The following TNKS variants were observed in gnomAD, a reference collection of about 807,000 sequenced individuals.
TNKS encodes the protein poly [ADP-ribose] polymerase tankyrase-1.
In TNKS, 72 loss-of-function variants were observed where a neutral mutation model predicts 135.8. That is an observed-to-expected ratio of 0.53 (90% CI 0.44 to 0.64). The LOEUF is 0.64. TNKS is among the 30% of genes least tolerant of loss of function. The pLI is 0.00. For missense variants in TNKS, 1,769 were observed against 1,674.0 expected (o/e 1.06, Z -0.99); for synonymous variants, 849 against 649.3 (o/e 1.31, Z -4.68).
In TNKS at chr8:9,751,815, C is replaced by T. The variant is rs1489774315; in HGVS notation, c.3039C>T (p.Gly1013=). 31 of 1,613,962 alleles carry T rather than the reference C, an allele frequency of 1.9e-5. No homozygotes were observed. The highest frequency in any genetic ancestry group is 1.6e-4 in the Middle Eastern group (1 of 6,084). ...GAGGAGCCTCCAATGCAGGGGATGGCGCCGCGGGAACAGAAAGGAAGGAAG... is the reference window on the plus strand; with the variant it reads ...GAGGAGCCTCCAATGCAGGGGATGGTGCCGCGGGAACAGAAAGGAAGGAAG... The part of the protein sequence containing the change: ...AVGGASNAGD[G]AAGTERKEGE... Residue 1013 remains glycine (G), a synonymous_variant, in exon 19 of 27, where the codon GGC becomes GGT. Coordinates refer to ENST00000310430, the MANE Select transcript of TNKS (RefSeq NM_003747.3).
intron 3 of TNKS, among the ~76,000 whole-genome samples, chr8:9,656,626 T>TA (rs1554461132): frequency 5.5e-5 from 8 of 144,606 alleles, no homozygotes; most frequent in South Asian, 4.4e-4. Context: ...TTTTTTTTTT[T>TA]AATTTATTTT....
At chr8:9,591,009 G>A (rs917650180) in intron 2 of TNKS, among the ~76,000 whole-genome samples, 1 of 152,158 alleles carries the variant, frequency 6.6e-6, no homozygotes, top group Non-Finnish European at 1.5e-5. Context: ...ATTTAACTCT[G>A]TTGTCATCTA....
intron 3 of TNKS, among the ~76,000 whole-genome samples, chr8:9,622,710 T>G (rs1477710319): frequency 1.3e-5 from 2 of 152,220 alleles, no homozygotes; most frequent in African/African-American, 4.8e-5. Flanking sequence ...ATGTTCTTTT[T>G]TAGATTAAAG....
At chr8:9,661,713 C>G (rs988854478) in intron 3 of TNKS, among the ~76,000 whole-genome samples, 2 of 152,144 alleles carry the variant, frequency 1.3e-5, no homozygotes, top group Admixed American at 1.3e-4. Context: ...GCAATGGCAA[C>G]AAAAGTCAAA....
At chr8:9,602,006 A>G (rs2128759352) in intron 2 of TNKS, among the ~76,000 whole-genome samples, 1 of 152,236 alleles carries the variant, frequency 6.6e-6, no homozygotes, top group Admixed American at 6.5e-5. Flanking sequence ...AGACGTTCTC[A>G]AGCAGGGACA....
chr8:9,617,043 C>T (rs1248579355), intron 3 of TNKS, among the ~76,000 whole-genome samples: 1 of 152,148 alleles, frequency 6.6e-6, no homozygotes, highest in Non-Finnish European at 1.5e-5. Flanking sequence ...TCTGACGTTT[C>T]CTTCTCTCCA....
chr8:9,668,698 A>G (rs754150076), intron 3 of TNKS, among the ~76,000 whole-genome samples: 2 of 152,208 alleles, frequency 1.3e-5, no homozygotes, highest in Non-Finnish European at 2.9e-5. Context: ...GCAAGATTTT[A>G]ACAAGTGCAA....
chr8:9,704,888 C>A, intron 6 of TNKS, 131 bp downstream of exon 6: 1 of 533,738 alleles, frequency 1.9e-6, no homozygotes, highest in Non-Finnish European at 3.2e-6. Context: ...GTTCATAACT[C>A]TGGTTTGAGG....
At chr8:9,632,586 C>G (rs1183583503) in intron 3 of TNKS, among the ~76,000 whole-genome samples, 1 of 152,196 alleles carries the variant, frequency 6.6e-6, no homozygotes, top group Non-Finnish European at 1.5e-5. Flanking sequence ...TGAACCCTAT[C>G]AGAGACACTT....
rs755783884 is a variant in TNKS at position 9,774,101 on chromosome 8, A to G, written c.3898-2549A>G. On this transcript the variant is annotated intron_variant, in intron 26 of 26. Coordinates refer to ENST00000310430, the MANE Select transcript of TNKS (RefSeq NM_003747.3). ...GTTAACTGAACTGTACTTGGAAAGA[A>G]AAATGGCTCTGATTATTACATATGA... 5.9e-5 allele frequency among the ~76,000 whole-genome samples: 9 copies of G among 152,336 alleles called. No individual in the cohort carries two copies. In the South Asian group the frequency reaches 1.4e-3, roughly 25 times the overall value.
chr8:9,710,339 C>A (rs774392522), intron 11 of TNKS, 119 bp downstream of exon 11: 1 of 871,212 alleles, frequency 1.1e-6, no homozygotes, highest in Admixed American at 2.3e-5. Context: ...ACTATTAGTT[C>A]GTACTTAAAT....
intron 3 of TNKS, among the ~76,000 whole-genome samples, chr8:9,672,709 CACAA>C (rs1349455049): frequency 2.4e-4 from 22 of 91,814 alleles, no homozygotes; most frequent in East Asian, 9.5e-4. Flanking sequence ...CACACACACA[CACAA>C]AAAAAAAAAA....
intron 3 of TNKS, among the ~76,000 whole-genome samples, chr8:9,630,556 A>G (rs950434008): frequency 2.0e-5 from 3 of 152,044 alleles, no homozygotes; most frequent in Admixed American, 6.6e-5. Flanking sequence ...AGATAGTTAC[A>G]AAAAACCCCA....
At chr8:9,637,554 A>C (rs1297638384) in intron 3 of TNKS, among the ~76,000 whole-genome samples, 1 of 152,194 alleles carries the variant, frequency 6.6e-6, no homozygotes, top group Non-Finnish European at 1.5e-5. Context: ...ATGATGGGAC[A>C]TAAAAATGAC....
intron 2 of TNKS, among the ~76,000 whole-genome samples, chr8:9,581,821 C>A (rs1290797847): frequency 6.6e-6 from 1 of 152,084 alleles, no homozygotes; most frequent in South Asian, 2.1e-4. Context: ...GTATTTCTCG[C>A]CTCCTCCTCT....
intron 3 of TNKS, among the ~76,000 whole-genome samples, chr8:9,647,482 A>T (rs1339237745): frequency 6.6e-6 from 1 of 152,196 alleles, no homozygotes; most frequent in Non-Finnish European, 1.5e-5. Context: ...CGGAAAAGTA[A>T]AATACTCTAA....
chr8:9,677,533 G>A (rs779855445), intron 3 of TNKS, among the ~76,000 whole-genome samples: 13 of 151,468 alleles, frequency 8.6e-5, no homozygotes, highest in Non-Finnish European at 1.9e-4. Flanking sequence ...GTTTTAATGT[G>A]TTTTTACTGT....
chr8:9,579,755 G>T (rs1436469553), intron 1 of TNKS, among the ~76,000 whole-genome samples: 2 of 152,284 alleles, frequency 1.3e-5, no homozygotes, highest in African/African-American at 4.8e-5. Flanking sequence ...GTGAGCCACT[G>T]CGCCCGGCTT....
chr8:9,580,395 TTGA>T lies in TNKS; in HGVS notation c.898+17_898+19del, dbSNP rs1330122129. 1.9e-6 allele frequency: 3 copies of T among 1,605,654 alleles called. No homozygotes were observed. The East Asian group carries it at 6.7e-5, about 36-fold the overall frequency. ...CGATGTGTGCATTGGTAAGTATCAT[TTGA>T]TGATATCTAAATTTTAAATAAAGGT... On this transcript the variant is annotated intron_variant, in intron 2 of 26. Coordinates refer to ENST00000310430, the MANE Select transcript of TNKS (RefSeq NM_003747.3).
Sources: allele counts gnomAD v4.1 joint callset (sites outside exome capture counted in the v4.1 genomes callset), GRCh38; gene constraint gnomAD v4.1.1; transcripts MANE v1.5; gene names NCBI Gene and HGNC (gene_info 2026-07-23, HGNC 2026-07-21).